SLC36A1: variants seen among roughly 807,000 people sequenced by gnomAD.
The protein encoded by SLC36A1 is proton-coupled amino acid transporter 1.
SLC36A1 carries 30 observed loss-of-function variants against 47.5 expected under a neutral mutation model. The observed-to-expected ratio is 0.63, with a 90% CI of 0.47 to 0.86. The LOEUF is 0.86. SLC36A1 is among the 40% of genes least tolerant of loss of function. The pLI, the probability that SLC36A1 is intolerant of heterozygous loss-of-function variation, is 0.00. For missense variants in SLC36A1, 517 were observed against 606.0 expected, an observed-to-expected ratio of 0.85 and a Z score of 1.54; for synonymous variants, 255 against 249.7, an observed-to-expected ratio of 1.02 and a Z score of -0.20.
the SLC36A1 span, chr5:151,505,923 T>G: frequency 5.7e-6 from 9 of 1,586,904 alleles, no homozygotes; most frequent in Middle Eastern, 1.7e-4. Context: ...GTTTTCCATC[T>G]CCAGGGGGAA....
chr5:151,433,956 T>C (rs1759620837), upstream of SLC36A1, among the ~76,000 whole-genome samples: 1 of 151,646 alleles, frequency 6.6e-6, no homozygotes, highest in Non-Finnish European at 1.5e-5. Context: ...AAATTGTGGC[T>C]AAAATGTGGA....
At chr5:151,540,224 G>A in the SLC36A1 span, among the ~76,000 whole-genome samples, 6 of 152,290 alleles carry the variant, frequency 3.9e-5, no homozygotes, top group East Asian at 5.8e-4. Context: ...ATCCCTATGG[G>A]GGCCAAGGAA....
the SLC36A1 span, among the ~76,000 whole-genome samples, chr5:151,372,227 C>G: frequency 6.6e-6 from 1 of 152,274 alleles, no homozygotes; most frequent in South Asian, 2.1e-4. Flanking sequence ...GCTATACTCT[C>G]AAGACAGAAT....
upstream of SLC36A1, among the ~76,000 whole-genome samples, chr5:151,443,596 T>G (rs925330192): frequency 1.3e-5 from 2 of 152,258 alleles, no homozygotes; most frequent in African/African-American, 2.4e-5. Context: ...TTTGCATATA[T>G]GTTTTCCAAT....
the SLC36A1 span, among the ~76,000 whole-genome samples, chr5:151,524,412 G>A: frequency 6.7e-6 from 1 of 148,724 alleles, no homozygotes; most frequent in African/African-American, 2.5e-5. Flanking sequence ...CTTGTGAATG[G>A]GATTAGGGCC....
In SLC36A1 at chr5:151,464,478, TTC is replaced by T. The variant is rs139642259; in HGVS notation, c.235-26_235-25del. ...GGTTCACTCCTAATTCTACCTACTT[TTC>T]TCTCTCTCTTTTGCCTGCAATATCT... On this transcript the variant is annotated intron_variant, in intron 3 of 10. Transcript: ENST00000243389. The T allele has an allele frequency of 8.4e-3, 13,100 of 1,567,258 alleles. 587 individuals are homozygous for T. In the East Asian group the frequency reaches 0.14, roughly 17 times the overall value.
the SLC36A1 span, among the ~76,000 whole-genome samples, chr5:151,547,388 C>T: frequency 6.6e-6 from 1 of 152,112 alleles, no homozygotes; most frequent in South Asian, 2.1e-4. Context: ...TCTCCATGCC[C>T]AATAATCTTT....
intron 1 of SLC36A1, among the ~76,000 whole-genome samples, chr5:151,448,428 C>T (rs979239031): frequency 4.6e-5 from 7 of 152,152 alleles, no homozygotes; most frequent in Admixed American, 6.5e-5. Flanking sequence ...CATTTTCCAC[C>T]GCTGGGGTTG....
the SLC36A1 span, chr5:151,551,634 C>G: frequency 6.2e-6 from 10 of 1,613,080 alleles, no homozygotes; most frequent in Non-Finnish European, 8.5e-6. Flanking sequence ...AGAAAGCACA[C>G]ACAACCTCAG....
chr5:151,521,913 G>C, the SLC36A1 span: 8 of 1,613,890 alleles, frequency 5.0e-6, no homozygotes, highest in South Asian at 8.8e-5. Flanking sequence ...GCGTGTCCTG[G>C]GGGTCTCGGT....
At chr5:151,499,948 T>G in the SLC36A1 span, among the ~76,000 whole-genome samples, 4 of 151,716 alleles carry the variant, frequency 2.6e-5, no homozygotes, top group African/African-American at 9.7e-5. Flanking sequence ...CTAGCGATGC[T>G]CAAAGTTGCT....
the SLC36A1 span, chr5:151,378,600 T>C: frequency 5.3e-6 from 1 of 189,314 alleles, no homozygotes; most frequent in Non-Finnish European, 1.2e-5. Flanking sequence ...ATGGTGACCA[T>C]CTTCCAGGCT....
chr5:151,385,037 T>A, the SLC36A1 span, among the ~76,000 whole-genome samples: 1,927 of 142,090 alleles, frequency 0.014, 20 homozygotes, highest in Non-Finnish European at 0.02. Flanking sequence ...TGTGTGTGTG[T>A]GAGAGAGAGA....
chr5:151,411,428 G>T, the SLC36A1 span, among the ~76,000 whole-genome samples: 2 of 144,556 alleles, frequency 1.4e-5, no homozygotes, highest in Non-Finnish European at 3.0e-5. Context: ...CACCTGACCT[G>T]AGCTGAACCA....
At chr5:151,484,780 T>G (rs749860159) in intron 10 of SLC36A1, among the ~76,000 whole-genome samples, 2 of 152,200 alleles carry the variant, frequency 1.3e-5, no homozygotes, top group Non-Finnish European at 2.9e-5. Context: ...GAAATGAGTC[T>G]CAAAGAGTTT....
upstream of SLC36A1, among the ~76,000 whole-genome samples, chr5:151,436,526 C>T (rs116098784): frequency 5.1e-3 from 774 of 151,536 alleles, 13 homozygotes; most frequent in African/African-American, 0.018. Flanking sequence ...CAAATTGTGA[C>T]CAAGGAATCT....
the SLC36A1 span, chr5:151,550,490 C>T: frequency 6.7e-6 from 9 of 1,351,402 alleles, no homozygotes; most frequent in Middle Eastern, 1.9e-4. Context: ...GTGCATGGTC[C>T]TTATGAGGGG....
the SLC36A1 span, among the ~76,000 whole-genome samples, chr5:151,423,561 A>T: frequency 6.6e-6 from 1 of 152,258 alleles, no homozygotes; most frequent in South Asian, 2.1e-4. Flanking sequence ...TGCTTATTTC[A>T]ACTATATGAC....
the SLC36A1 span, chr5:151,550,958 G>T: frequency 2.5e-6 from 3 of 1,184,778 alleles, no homozygotes; most frequent in African/African-American, 1.5e-5. Flanking sequence ...TATCACCCAG[G>T]CCTAGCACAG....
Sources: allele counts gnomAD v4.1 joint callset (sites outside exome capture counted in the v4.1 genomes callset), GRCh38; gene constraint gnomAD v4.1.1; transcripts MANE v1.5; gene names NCBI Gene and HGNC (gene_info 2026-07-23, HGNC 2026-07-21).